The following SYNE1 variants were observed in gnomAD, a reference collection of about 807,000 sequenced individuals.
SYNE1 encodes the protein nesprin-1.
A neutral mutation model predicts 1,111.0 loss-of-function variants in SYNE1; 616 were observed. The ratio of observed to expected loss-of-function variants is 0.55; its 90% CI spans 0.52 to 0.59. The LOEUF (loss-of-function observed/expected upper bound fraction) is 0.59, where lower values mean the gene tolerates loss of function less well. SYNE1 is among the 20% of genes least tolerant of loss of function. SYNE1 has a pLI of 0.00. For synonymous variants in SYNE1, 3,855 were observed against 3,825.8 expected (o/e 1.01, Z -0.28); for missense variants, 10,006 against 10,417.0 (o/e 0.96, Z 1.72).
intron 11 of SYNE1, among the ~76,000 whole-genome samples, chr6:152,494,267 C>T (rs2098987381): frequency 6.6e-6 from 1 of 152,200 alleles, no homozygotes; most frequent in African/African-American, 2.4e-5. Flanking sequence ...GCTCCTTCAA[C>T]TGTACTCACT....
chr6:152,500,235 T>G lies in SYNE1; in HGVS notation c.889-1443A>C, dbSNP rs530540405. ...CTAATGTGTTTTCTTATAGAGTTTC[T>G]TATTCACACAGCAATATTATCAAAA... On this transcript the variant is annotated intron_variant, in intron 10 of 145. Transcript: ENST00000367255. Among the ~76,000 whole-genome samples, 9 of 152,350 alleles carry G rather than the reference T, an allele frequency of 5.9e-5. No homozygotes were observed. The South Asian group carries it at 1.7e-3, about 28-fold the overall frequency.
intron 104 of SYNE1, among the ~76,000 whole-genome samples, chr6:152,254,135 C>T (rs560772415): frequency 3.9e-4 from 59 of 150,574 alleles, no homozygotes; most frequent in African/African-American, 1.4e-3. Context: ...TGGAAAGTAA[C>T]GTAACACATT....
intron 97 of SYNE1, 22 bp downstream of exon 97, chr6:152,281,785 T>A: frequency 6.2e-7 from 1 of 1,614,048 alleles, no homozygotes; most frequent in Non-Finnish European, 8.5e-7. Flanking sequence ...GTTGACATAT[T>A]CCTTTGAGAC....
intron 128 of SYNE1, among the ~76,000 whole-genome samples, chr6:152,186,272 GA>G (rs2069865404): frequency 6.6e-6 from 1 of 152,014 alleles, no homozygotes; most frequent in East Asian, 1.9e-4. Context: ...AATTAGAAGG[GA>G]AGACCGGGCA....
At chr6:152,349,145 G>A (rs1218511355) in intron 72 of SYNE1, among the ~76,000 whole-genome samples, 2 of 152,240 alleles carry the variant, frequency 1.3e-5, no homozygotes, top group Non-Finnish European at 2.9e-5. Context: ...CACATGATGA[G>A]TAAACTTGTT....
At chr6:152,311,559 T>G (rs374790943) in intron 87 of SYNE1, among the ~76,000 whole-genome samples, 1 of 152,082 alleles carries the variant, frequency 6.6e-6, no homozygotes, top group African/African-American at 2.4e-5. Context: ...TTGGGGAAGA[T>G]TGGGAGAAGG....
intron 100 of SYNE1, among the ~76,000 whole-genome samples, chr6:152,267,043 G>T (rs184181745): frequency 2.6e-5 from 4 of 151,908 alleles, no homozygotes; most frequent in African/African-American, 9.7e-5. Context: ...TTTTGATACG[G>T]TTACATCACT....
chr6:152,499,148 A>G (rs2099015049), intron 10 of SYNE1, among the ~76,000 whole-genome samples: 1 of 152,080 alleles, frequency 6.6e-6, no homozygotes, highest in Non-Finnish European at 1.5e-5. Context: ...CACAGCACAC[A>G]TGTTTCTTTG....
intron 90 of SYNE1, among the ~76,000 whole-genome samples, 156 bp from the exon 91 acceptor site, chr6:152,308,788 T>G (rs1487399883): frequency 6.6e-6 from 1 of 152,230 alleles, no homozygotes; most frequent in African/African-American, 2.4e-5. Context: ...CCTCACTTTA[T>G]GTAGATATTT....
At chr6:152,619,525 T>C (rs1406470680) in intron 3 of SYNE1, among the ~76,000 whole-genome samples, 1 of 152,168 alleles carries the variant, frequency 6.6e-6, no homozygotes, top group Non-Finnish European at 1.5e-5. Flanking sequence ...TTTCATAAAT[T>C]TGAGCCCTGG....
At position 152,455,538 on chromosome 6, in the gene SYNE1, C is replaced by G. The variant is rs138453650; in HGVS notation, c.2780G>C (p.Arg927Pro). 2.5e-6 allele frequency: 4 copies of G among 1,614,046 alleles called. No homozygotes were observed. The African/African-American group carries it at 4.0e-5, about 16-fold the overall frequency. Residue 927 changes from arginine (R) to proline (P), a missense_variant, in exon 24 of 146, where the codon CGC (arginine) becomes CCC (proline). Arg to Pro is a moderately radical substitution (Grantham distance 103). Around this residue, in one of 7 missense-constraint regions of SYNE1, gnomAD observed 1,971 missense variants for 2,084.1 expected, o/e 0.95. Transcript: ENST00000367255. ...DWKKHVETNS[R>P]LMKKFEESRA... ...AGACTCCTCAAACTTCTTCATCAAGCGACTGTTGGTTTCCACATGCTTCTT... is the reference window on the plus strand; with the variant it reads ...AGACTCCTCAAACTTCTTCATCAAGGGACTGTTGGTTTCCACATGCTTCTT...
At position 152,221,445 on chromosome 6, in the gene SYNE1, G is replaced by A. The variant is rs1479022777; in HGVS notation, c.21637C>T (p.Leu7213=). The change falls in exon 118 of 146, where the codon CTG becomes TTG. Residue 7213 remains leucine (L), a synonymous_variant. Transcript: ENST00000367255. ...PPVTETLTNT[L]KEVNMRWNNL... ...CCATACCTCATGTTGACTTCTTTCA[G>A]TGTATTGGTAAGAGTTTCTGTCACG... 1.2e-6 allele frequency: 2 copies of A among 1,613,782 alleles called. No individual in the cohort carries two copies. Among genetic ancestry groups the A allele is most frequent in the Non-Finnish European group, 1.7e-6 (2 of 1,179,932 alleles).
In SYNE1 at chr6:152,256,277, A is replaced by T. The variant is rs180904367; in HGVS notation, c.19104+357T>A. On this transcript the variant is annotated intron_variant, in intron 102 of 145. Coordinates refer to ENST00000367255, the MANE Select transcript of SYNE1 (RefSeq NM_182961.4). ...TCACTAAAAATAAAAAAAATAAAAA[A>T]AAATCAGCCAGGTGTGGTGGCACAC... Among the ~76,000 whole-genome samples the T allele has an allele frequency of 6.0e-3, 900 of 151,220 alleles. 7 individuals are homozygous for T. Among genetic ancestry groups the T allele is most frequent in the African/African-American group, 0.021 (850 of 41,146 alleles).
chr6:152,329,906 T>C lies in SYNE1; in HGVS notation c.14779A>G (p.Ile4927Val). 1 of 1,614,146 alleles carries C rather than the reference T, an allele frequency of 6.2e-7. No homozygotes were observed. Among genetic ancestry groups the C allele is most frequent in the Non-Finnish European group, 8.5e-7 (1 of 1,180,030 alleles). ...LQDIQEEIRK[I>V]QIHQEEVQSS... ...TGGACCTCTTCCTGATGAATTTGGATTTTTCTGATTTCCTCTTGGATGTCC... is the reference window on the plus strand; with the variant it reads ...TGGACCTCTTCCTGATGAATTTGGACTTTTCTGATTTCCTCTTGGATGTCC... The change falls in exon 78 of 146, where the codon ATC becomes GTC. Residue 4927 changes from isoleucine (I) to valine (V), a missense_variant. Transcript: ENST00000367255.
chr6:152,522,839 A>T (rs1387634140), intron 5 of SYNE1, among the ~76,000 whole-genome samples: 1 of 151,632 alleles, frequency 6.6e-6, no homozygotes, highest in Non-Finnish European at 1.5e-5. Context: ...TGTATTACTT[A>T]TTTGTATCTT....
In SYNE1 at chr6:152,401,234, C is replaced by T. The variant is rs375127604; in HGVS notation, c.6933G>A (p.Lys2311=). 63 of 1,614,032 alleles carry T rather than the reference C, an allele frequency of 3.9e-5. 1 individual carries two copies. In the South Asian group the frequency reaches 6.3e-4, roughly 16 times the overall value. The change falls in exon 47 of 146, where the codon AAG becomes AAA. Residue 2311 remains lysine, a synonymous_variant. Coordinates refer to ENST00000367255, the MANE Select transcript of SYNE1 (RefSeq NM_182961.4). ...DFTAQSTQVE[K]FINDITTWFT... The stretch of plus-strand genomic sequence containing the variant: ...ACCATGTTGTTATGTCATTAATAAA[C>T]TTCTCCACTTGTGTACTTTGAGCCG...
rs1376478156 is a variant in SYNE1 at position 152,510,244 on chromosome 6, T to C, written c.530A>G (p.Gln177Arg). 4 of 1,614,010 alleles carry C rather than the reference T, an allele frequency of 2.5e-6. No homozygotes were observed. In the African/African-American group the frequency reaches 4.0e-5, roughly 16 times the overall value. ...PSKRKVTTKI[Q>R]GNAKKALLKW... is the part of the protein sequence containing the mutation. The stretch of plus-strand genomic sequence containing the variant: ...TAATAAAGCCTTCTTAGCATTTCCT[T>C]GGATCTTGGTGGTCACCTTCCGTTT... The change falls in exon 8 of 146, where the codon CAA (glutamine) becomes CGA (arginine). Residue 177 changes from glutamine to arginine, a missense_variant. Physicochemically the swap from Gln to Arg is conservative, Grantham distance 43 (BLOSUM62 1). Coordinates refer to ENST00000367255, the MANE Select transcript of SYNE1 (RefSeq NM_182961.4).
chr6:152,188,060 T>G (rs1052861303), intron 128 of SYNE1, among the ~76,000 whole-genome samples: 2 of 152,156 alleles, frequency 1.3e-5, no homozygotes, highest in African/African-American at 4.8e-5. Context: ...TTTTACCTGT[T>G]TATGCCTGGT....
intron 5 of SYNE1, among the ~76,000 whole-genome samples, chr6:152,520,878 T>C (rs2099135561): frequency 6.6e-6 from 1 of 152,176 alleles, no homozygotes; most frequent in Admixed American, 6.5e-5. Flanking sequence ...AGCCCATTTA[T>C]TTAGCTTATT....
Sources: allele counts gnomAD v4.1 joint callset (sites outside exome capture counted in the v4.1 genomes callset), GRCh38; gene constraint gnomAD v4.1.1; regional missense constraint gnomAD v4.1.1; transcripts MANE v1.5; gene names NCBI Gene and HGNC (gene_info 2026-07-23, HGNC 2026-07-21).